The following PTK2 variants were observed in gnomAD, a reference collection of about 807,000 sequenced individuals.
The protein encoded by PTK2 is protein tyrosine kinase 2.
Under a neutral mutation model 150.1 loss-of-function variants are expected in PTK2, and 45 were observed. That is an observed-to-expected ratio of 0.30 (90% CI 0.24 to 0.38). The LOEUF is 0.38. Among genes scored for constraint, PTK2 ranks in the 10% least tolerant of loss-of-function variants. PTK2 has a pLI of 1.00. For missense variants in PTK2, 919 were observed against 1,307.3 expected, an observed-to-expected ratio of 0.70 and a Z score of 4.58; for synonymous variants, 432 against 449.2, an observed-to-expected ratio of 0.96 and a Z score of 0.48.
At chr8:140,727,903 T>C (rs182052203) in intron 22 of PTK2, among the ~76,000 whole-genome samples, 147 of 152,112 alleles carry the variant, frequency 9.7e-4, no homozygotes, top group African/African-American at 3.4e-3. Context: ...TTTAGAAAAG[T>C]AGAGAAAGAC....
At chr8:140,669,616 G>C (rs960799688) in intron 29 of PTK2, 111 bp downstream of exon 33, 2 of 1,267,162 alleles carry the variant, frequency 1.6e-6, no homozygotes, top group Admixed American at 2.2e-5. Flanking sequence ...GACAAAGCAG[G>C]CCGAAGTGCC....
intron 7 of PTK2, among the ~76,000 whole-genome samples, chr8:140,831,454 C>T (rs1271682008): frequency 6.6e-6 from 1 of 152,212 alleles, no homozygotes; most frequent in African/African-American, 2.4e-5. Context: ...ATGACTTCTT[C>T]ATCCGTAACT....
intron 27 of PTK2, among the ~76,000 whole-genome samples, chr8:140,677,929 A>T (rs1442485281): frequency 6.6e-6 from 1 of 152,262 alleles, no homozygotes; most frequent in Non-Finnish European, 1.5e-5. Flanking sequence ...GGAAGGAGAC[A>T]GGTAATAAAC....
At chr8:140,778,592 G>A (rs2100079761) in intron 14 of PTK2, among the ~76,000 whole-genome samples, 1 of 152,246 alleles carries the variant, frequency 6.6e-6, no homozygotes, top group Non-Finnish European at 1.5e-5. Context: ...CAAGACCAAA[G>A]CAATGTGGTT....
chr8:140,874,904 AT>A (rs778349066), intron 4 of PTK2, among the ~76,000 whole-genome samples: 1 of 152,204 alleles, frequency 6.6e-6, no homozygotes, highest in Non-Finnish European at 1.5e-5. Context: ...TCATTCAAAT[AT>A]TGCTTATTGG....
At chr8:140,668,285 T>A in exon 30 of PTK2, 1 of 1,614,162 alleles carries the variant, frequency 6.2e-7, no homozygotes, top group South Asian at 1.1e-5. Context: ...CATAGGGACA[T>A]ACTCCTCTGG....
intron 26 of PTK2, among the ~76,000 whole-genome samples, chr8:140,692,282 G>A (rs1445045377): frequency 1.3e-5 from 2 of 152,124 alleles, no homozygotes; most frequent in African/African-American, 4.8e-5. Context: ...GTGCCTATTG[G>A]GAACTGAAGA....
At chr8:140,840,026 A>G (rs2100121346) in intron 7 of PTK2, among the ~76,000 whole-genome samples, 1 of 152,218 alleles carries the variant, frequency 6.6e-6, no homozygotes, top group Non-Finnish European at 1.5e-5. Flanking sequence ...TATTTGGAAT[A>G]AAAGGAAAAG....
At chr8:140,890,797 T>G (rs773500441) in intron 2 of PTK2, 28 bp from the exon 3 acceptor site, 1 of 1,578,292 alleles carries the variant, frequency 6.3e-7, no homozygotes, top group Non-Finnish European at 8.7e-7. Flanking sequence ...TAATTTTTTG[T>G]GTATAATACT....
At chr8:140,786,597 A>C (rs1461065209) in intron 14 of PTK2, among the ~76,000 whole-genome samples, 1 of 152,116 alleles carries the variant, frequency 6.6e-6, no homozygotes, top group Non-Finnish European at 1.5e-5. Flanking sequence ...GGATGACAGA[A>C]GGAAAAAAGG....
exon 1 of PTK2, chr8:141,001,225 A>T (rs1220991386): frequency 6.7e-6 from 1 of 148,958 alleles, no homozygotes; most frequent in Non-Finnish European, 1.5e-5. Context: ...CCGCGGGCTC[A>T]CAGTGGTCCG....
chr8:140,687,939 C>T (rs2100020942), intron 26 of PTK2, among the ~76,000 whole-genome samples: 1 of 152,134 alleles, frequency 6.6e-6, no homozygotes, highest in Non-Finnish European at 1.5e-5. Context: ...AGGTAGCTGG[C>T]TGAGGTCTGA....
intron 5 of PTK2, among the ~76,000 whole-genome samples, chr8:140,859,073 G>A (rs186062244): frequency 1.0e-3 from 152 of 152,158 alleles, no homozygotes; most frequent in African/African-American, 3.5e-3. Context: ...GAATGCTTAC[G>A]TGAGCTGGGA....
chr8:140,923,698 T>G (rs1174635913), intron 2 of PTK2, among the ~76,000 whole-genome samples: 1 of 152,244 alleles, frequency 6.6e-6, no homozygotes, highest in Non-Finnish European at 1.5e-5. Flanking sequence ...ACCACTTATT[T>G]AAAAGTTCTG....
chr8:140,679,478 G>A (rs565470786), intron 27 of PTK2, among the ~76,000 whole-genome samples: 1 of 152,246 alleles, frequency 6.6e-6, no homozygotes, highest in African/African-American at 2.4e-5. Context: ...CGGGTACTCA[G>A]GTACAGAAAA....
chr8:140,966,402 T>C (rs2100185317), intron 1 of PTK2, among the ~76,000 whole-genome samples: 1 of 152,246 alleles, frequency 6.6e-6, no homozygotes, highest in African/African-American at 2.4e-5. Flanking sequence ...GCCTCCATTC[T>C]ATCAAGACTA....
At chr8:140,860,003 C>T (rs7006465) in intron 5 of PTK2, among the ~76,000 whole-genome samples, 2,071 of 152,282 alleles carry the variant, frequency 0.014, 29 homozygotes, top group Non-Finnish European at 0.022. Context: ...ATATTCAAAA[C>T]TTTCTTGCCA....
intron 27 of PTK2, among the ~76,000 whole-genome samples, chr8:140,675,970 T>A (rs1446120527): frequency 6.6e-6 from 1 of 152,222 alleles, no homozygotes; most frequent in African/African-American, 2.4e-5. Context: ...ATGTTTATCA[T>A]GGCACTACTC....
intron 8 of PTK2, among the ~76,000 whole-genome samples, chr8:140,825,522 T>C (rs1289046037): frequency 6.6e-6 from 1 of 152,180 alleles, no homozygotes; most frequent in African/African-American, 2.4e-5. Flanking sequence ...GTTCTGAAAT[T>C]AGGTTTCTAC....
Sources: gnomAD v4.1 joint callset for allele counts (sites outside exome capture counted in the v4.1 genomes callset) on GRCh38, gnomAD v4.1.1 for gene constraint, MANE v1.5 for transcripts, NCBI Gene and HGNC (gene_info 2026-07-23, HGNC 2026-07-21) for gene names.